The following LIPJ variants were observed in gnomAD, a reference collection of about 807,000 sequenced individuals.
LIPJ encodes lipase family member J, also known as lipase member J.
A neutral mutation model predicts 39.8 loss-of-function variants in LIPJ; 33 were observed. The ratio of observed to expected loss-of-function variants is 0.83; its 90% confidence interval spans 0.63 to 1.11. The LOEUF (loss-of-function observed/expected upper bound fraction) is 1.11. Ranked by LOEUF, LIPJ falls within the 50% of genes least tolerant of loss-of-function variation. The pLI, the probability that LIPJ is intolerant of heterozygous loss-of-function variation, is 0.00. For synonymous variants in LIPJ, 128 were observed against 139.2 expected (o/e 0.92, Z 0.57); for missense variants, 422 against 427.9 (o/e 0.99, Z 0.12).
chr10:88,592,169 G>C (rs1289647225), intron 4 of LIPJ: 2 of 151,792 alleles, frequency 1.3e-5, no homozygotes, highest in Non-Finnish European at 2.9e-5. Context: ...ATATTATAGG[G>C]CATCCTCTCA....
At chr10:88,615,642 AAAAAAAAAAC>A in the LIPJ span, among the ~76,000 whole-genome samples, 1 of 150,656 alleles carries the variant, frequency 6.6e-6, no homozygotes, top group Non-Finnish European at 1.5e-5. Flanking sequence ...AAAAAAAAAA[AAAAAAAAAAC>A]AGAAAGAAAT....
the LIPJ span, among the ~76,000 whole-genome samples, chr10:88,621,245 G>A: frequency 8.9e-3 from 1,354 of 152,248 alleles, 31 homozygotes; most frequent in East Asian, 0.032. Flanking sequence ...GCCAAAACTA[G>A]GGGGTGAGAA....
At chr10:88,594,890 A>C (rs1851206069) in intron 6 of LIPJ, 114 bp downstream of exon 6, 1 of 441,330 alleles carries the variant, frequency 2.3e-6, no homozygotes, top group African/African-American at 2.0e-5. Context: ...AAAAACTGTG[A>C]GACAAACATA....
upstream of LIPJ, chr10:88,583,112 G>C: frequency 1.9e-6 from 3 of 1,614,142 alleles, no homozygotes; most frequent in Admixed American, 1.7e-5. Flanking sequence ...AGGTACAAGG[G>C]ACCGGACGTC....
chr10:88,608,405 A>C (rs1258928198), downstream of LIPJ, among the ~76,000 whole-genome samples: 1 of 152,244 alleles, frequency 6.6e-6, no homozygotes, highest in Non-Finnish European at 1.5e-5. Flanking sequence ...TTTGCTGTGA[A>C]CCTCAAATTA....
chr10:88,591,331 A>C, intron 3 of LIPJ, 47 bp from the exon 4 acceptor site: 7 of 1,500,420 alleles, frequency 4.7e-6, no homozygotes, highest in Non-Finnish European at 6.3e-6. Flanking sequence ...ATTCAACTTA[A>C]TTGGATAACA....
rs1282562955 is a variant in LIPJ, at chr10:88,606,774, T to C, written c.968T>C (p.Leu323Ser). The change falls in exon 11 of 11, where the codon TTA becomes TCA. Residue 323 changes from leucine (L) to serine (S), a missense_variant. Physicochemically the swap from Leu to Ser is moderately radical, Grantham distance 145. Coordinates refer to ENST00000371939, the Ensembl canonical transcript of LIPJ. ...GCTGACCCTGAAGACGTTAACATTT[T>C]ACATTCTGAAATCACAAACCACATT... 7 of 1,613,420 alleles carry C rather than the reference T, an allele frequency of 4.3e-6. No individual in the cohort carries two copies. In the Admixed American group the frequency reaches 5.0e-5, roughly 12 times the overall value.
At chr10:88,612,471 C>T in the LIPJ span, among the ~76,000 whole-genome samples, 1 of 152,100 alleles carries the variant, frequency 6.6e-6, no homozygotes, top group African/African-American at 2.4e-5. Flanking sequence ...CAAATTTCTC[C>T]TGTCTTCAGG....
chr10:88,607,111 T>C (rs956387106), downstream of LIPJ: 2 of 408,642 alleles, frequency 4.9e-6, no homozygotes, highest in Non-Finnish European at 8.1e-6. Context: ...TAAATCAATC[T>C]AAGAAGCCTG....
intron 8 of LIPJ, among the ~76,000 whole-genome samples, chr10:88,599,435 C>T (rs1351522937): frequency 6.6e-6 from 1 of 151,872 alleles, no homozygotes; most frequent in Non-Finnish European, 1.5e-5. Context: ...CCTGCCAGAC[C>T]CTGGCAACCA....
At chr10:88,583,271 G>C, upstream of LIPJ, 1 of 1,573,614 alleles carries the variant, frequency 6.4e-7, no homozygotes, top group Non-Finnish European at 8.6e-7. Flanking sequence ...CGGCCGAACC[G>C]GCGCTAGCGC....
chr10:88,593,659 C>A, intron 4 of LIPJ: 1 of 235,582 alleles, frequency 4.2e-6, no homozygotes, highest in East Asian at 9.0e-5. Flanking sequence ...TGTATGAGTG[C>A]TTGAATTACT....
chr10:88,612,404 G>C, the LIPJ span, among the ~76,000 whole-genome samples: 1 of 151,842 alleles, frequency 6.6e-6, no homozygotes, highest in Admixed American at 6.6e-5. Context: ...AATGTAAATG[G>C]CCTGAATGCT....
At chr10:88,583,320 A>G, upstream of LIPJ, 1 of 1,429,152 alleles carries the variant, frequency 7.0e-7, no homozygotes, top group South Asian at 1.5e-5. Flanking sequence ...CTGGGCCCTG[A>G]GCTTTCCTCC....
upstream of LIPJ, chr10:88,583,498 T>C: frequency 1.6e-6 from 2 of 1,227,906 alleles, no homozygotes; most frequent in Non-Finnish European, 2.0e-6. Context: ...TGGGCTATTG[T>C]TGGGAGAACC....
intron 3 of LIPJ, among the ~76,000 whole-genome samples, chr10:88,591,173 G>A (rs992039089): frequency 1.3e-5 from 2 of 151,592 alleles, no homozygotes; most frequent in Admixed American, 6.6e-5. Flanking sequence ...TCAATCCCTA[G>A]TATATAAAAC....
In LIPJ at chr10:88,606,837, CTTTG is replaced by C. The variant is rs767656169; in HGVS notation, c.1036_1039del (p.Phe346AspfsTer2). 4.4e-6 allele frequency: 7 copies of C among 1,608,548 alleles called. No homozygotes were observed. The Middle Eastern group carries it at 5.0e-4, about 115-fold the overall frequency. On this transcript the variant is annotated frameshift_variant, in exon 11 of 11. Coordinates refer to ENST00000371939, the Ensembl canonical transcript of LIPJ. LOFTEE classifies it low-confidence loss of function (END_TRUNC). Reference sequence around the variant, plus strand: ...ATTTCTTACTACAATCATATAGACTCTTTGTTTGGATTAGATGTCTATGATCAAG... The same window carrying C: ...ATTTCTTACTACAATCATATAGACTCTTTGGATTAGATGTCTATGATCAAG...
At chr10:88,593,225 G>C (rs1851139621) in intron 4 of LIPJ, 1 of 151,778 alleles carries the variant, frequency 6.6e-6, no homozygotes, top group Non-Finnish European at 1.5e-5. Flanking sequence ...TGTTTGTTAG[G>C]ATGCTTACAG....
At chr10:88,593,841 T>A (rs1261835725) in intron 4 of LIPJ, 105 bp from the exon 5 acceptor site, 10 of 952,144 alleles carry the variant, frequency 1.1e-5, no homozygotes, top group African/African-American at 1.7e-5. Context: ...AACAATTTTT[T>A]AAAATCTTTA....
Sources: gnomAD v4.1 joint callset for allele counts (sites outside exome capture counted in the v4.1 genomes callset) on GRCh38, gnomAD v4.1.1 for gene constraint, MANE v1.5 for transcripts, NCBI Gene and HGNC (gene_info 2026-07-23, HGNC 2026-07-21) for gene names.